Variants in HECW2 observed in about 807,000 individuals in gnomAD.
HECW2 encodes the protein E3 ubiquitin-protein ligase HECW2.
HECW2 carries 61 observed loss-of-function variants against 175.2 expected under a neutral mutation model. That is an observed-to-expected ratio of 0.35 (90% CI 0.28 to 0.43). The LOEUF (loss-of-function observed/expected upper bound fraction) is 0.43. Ranked by LOEUF, HECW2 falls within the 20% of genes least tolerant of loss-of-function variation. HECW2 has a pLI of 1.00. For missense variants in HECW2, 1,524 were observed against 2,000.5 expected (o/e 0.76, Z 4.54); for synonymous variants, 671 against 731.0 (o/e 0.92, Z 1.32).
At chr2:196,416,867 T>C (rs1695269880) in intron 2 of HECW2, among the ~76,000 whole-genome samples, 1 of 152,228 alleles carries the variant, frequency 6.6e-6, no homozygotes, top group South Asian at 2.1e-4. Context: ...GTTCTAAAGC[T>C]GGAAGAAAAA....
chr2:196,407,459 C>A (rs1694995023), intron 2 of HECW2, among the ~76,000 whole-genome samples: 1 of 152,184 alleles, frequency 6.6e-6, no homozygotes. Flanking sequence ...ACCTCAGCCT[C>A]CCAACGGGCT....
At chr2:196,225,893 GGCT>G in intron 22 of HECW2, 23 bp from the exon 23 acceptor site, 1 of 1,431,144 alleles carries the variant, frequency 7.0e-7, no homozygotes. Context: ...CACATGAGAT[GGCT>G]TACATGTCAT....
rs1432232158 is a variant in HECW2, at chr2:196,200,606, A to G, written c.*671T>C. 6.6e-6 allele frequency: 1 copy of G among 152,640 alleles called. No individual in the cohort carries two copies. The allele number at this position is 152,640 out of a possible 1,614,324, so 9.5% of individuals were successfully genotyped here. On this transcript the variant is annotated 3_prime_UTR_variant, in exon 29 of 29. Coordinates refer to ENST00000644978, the MANE Select transcript of HECW2 (RefSeq NM_001348768.2). Reference sequence around the variant, plus strand: ...TGCATTATAAAGCATAAAATCTGTCATTAGTAATTCACTGAATAATGGTTT... The same window carrying G: ...TGCATTATAAAGCATAAAATCTGTCGTTAGTAATTCACTGAATAATGGTTT...
chr2:196,331,414 C>G, intron 4 of HECW2: 1 of 399,818 alleles, frequency 2.5e-6, no homozygotes, highest in Non-Finnish European at 3.4e-6. Context: ...CGGTAACCTG[C>G]CATTCCTTCT....
intron 18 of HECW2, among the ~76,000 whole-genome samples, chr2:196,257,452 GA>G (rs746130786): frequency 6.2e-4 from 94 of 152,202 alleles, no homozygotes; most frequent in Middle Eastern, 3.4e-3. Flanking sequence ...CATATTTTGA[GA>G]AAAACATTTG....
chr2:196,388,686 T>C (rs1278486299), intron 2 of HECW2, among the ~76,000 whole-genome samples: 2 of 152,214 alleles, frequency 1.3e-5, no homozygotes, highest in Non-Finnish European at 2.9e-5. Context: ...TTTTCCTTAA[T>C]GTATGGCTAG....
intron 2 of HECW2, among the ~76,000 whole-genome samples, chr2:196,425,556 G>A (rs1234151668): frequency 2.6e-5 from 4 of 152,106 alleles, no homozygotes; most frequent in Admixed American, 1.3e-4. Context: ...CAACCCTCAT[G>A]GATGACTTTG....
intron 2 of HECW2, among the ~76,000 whole-genome samples, chr2:196,356,744 T>A (rs930691384): frequency 3.3e-5 from 5 of 152,236 alleles, no homozygotes; most frequent in African/African-American, 1.2e-4. Context: ...ACTTTTGTTA[T>A]AATATATTGT....
chr2:196,502,800 A>C (rs1175746066), intron 1 of HECW2, among the ~76,000 whole-genome samples: 1 of 152,300 alleles, frequency 6.6e-6, no homozygotes, highest in South Asian at 2.1e-4. Flanking sequence ...GCTCTTCCCA[A>C]TACCACCAGG....
intron 1 of HECW2, among the ~76,000 whole-genome samples, chr2:196,549,893 C>G (rs1689552658): frequency 1.3e-5 from 2 of 152,092 alleles, no homozygotes; most frequent in Admixed American, 1.3e-4. Context: ...GCCCATAGAC[C>G]CTTTCTCCCA....
chr2:196,247,719 C>A (rs1446491447), intron 19 of HECW2, among the ~76,000 whole-genome samples: 1 of 152,164 alleles, frequency 6.6e-6, no homozygotes, highest in Non-Finnish European at 1.5e-5. Context: ...TTCTATCTGA[C>A]AAAATATTTC....
At chr2:196,273,888 T>C in intron 16 of HECW2, 133 bp downstream of exon 16, 2 of 600,042 alleles carry the variant, frequency 3.3e-6, no homozygotes, top group South Asian at 4.5e-5. Flanking sequence ...ATACATTTCT[T>C]AAGGATAATG....
intron 1 of HECW2, among the ~76,000 whole-genome samples, chr2:196,501,033 C>T (rs564998047): frequency 3.3e-5 from 5 of 152,290 alleles, no homozygotes; most frequent in African/African-American, 1.2e-4. Context: ...CAGAAGGTGG[C>T]TCTTTTCAGA....
chr2:196,496,548 C>A (rs1221355712), intron 1 of HECW2, among the ~76,000 whole-genome samples: 1 of 152,118 alleles, frequency 6.6e-6, no homozygotes, highest in Non-Finnish European at 1.5e-5. Flanking sequence ...CTTTTTACAG[C>A]ATGTTTTCAT....
chr2:196,310,702 C>T (rs1575396991), intron 10 of HECW2, among the ~76,000 whole-genome samples: 1 of 151,978 alleles, frequency 6.6e-6, no homozygotes, highest in Middle Eastern at 3.4e-3. Flanking sequence ...ACATTTACTT[C>T]CTTGTCTTGC....
At chr2:196,262,579 T>C (rs1057469911) in intron 17 of HECW2, among the ~76,000 whole-genome samples, 1 of 152,022 alleles carries the variant, frequency 6.6e-6, no homozygotes, top group African/African-American at 2.4e-5. Flanking sequence ...TATCTTTTTT[T>C]TTTTGAGATG....
chr2:196,276,916 A>AT (rs1242996425), intron 15 of HECW2, among the ~76,000 whole-genome samples: 1 of 152,146 alleles, frequency 6.6e-6, no homozygotes, highest in Non-Finnish European at 1.5e-5. Context: ...TTGTATTCAT[A>AT]TTTTTTCTTA....
rs558169944 is a variant in HECW2 at position 196,383,883 on chromosome 2, G to A, written c.293-40119C>T. ...TCACGGCAAAAGGTTAAACAGTTCA[G>A]TATAGTGGTTAAATATATTCCCTGA... is the stretch of plus-strand genomic sequence containing the variant. On this transcript the variant is annotated intron_variant, in intron 2 of 28. Coordinates refer to ENST00000644978, the MANE Select transcript of HECW2 (RefSeq NM_001348768.2). Among the ~76,000 whole-genome samples, 14 of 152,314 alleles carry A rather than the reference G, an allele frequency of 9.2e-5. No homozygotes were observed. The East Asian group carries it at 1.3e-3, about 15-fold the overall frequency.
intron 1 of HECW2, among the ~76,000 whole-genome samples, chr2:196,455,619 C>G (rs890516573): frequency 6.6e-6 from 1 of 152,126 alleles, no homozygotes; most frequent in African/African-American, 2.4e-5. Context: ...AATACAAACT[C>G]TGGATTGCTT....
Sources: gnomAD v4.1 joint callset for allele counts (sites outside exome capture counted in the v4.1 genomes callset) on GRCh38, gnomAD v4.1.1 for gene constraint, MANE v1.5 for transcripts, NCBI Gene and HGNC (gene_info 2026-07-23, HGNC 2026-07-21) for gene names.